The following MUS81 variants were observed in gnomAD, a reference collection of about 807,000 sequenced individuals.
The protein encoded by MUS81 is MUS81 structure-specific endonuclease subunit, also known as structure-specific endonuclease subunit MUS81.
Under a neutral mutation model 74.2 loss-of-function variants are expected in MUS81, and 69 were observed. That is an observed-to-expected ratio of 0.93 (90% CI 0.77 to 1.14). The LOEUF is 1.14. Among genes scored for constraint, MUS81 ranks in the 50% most tolerant of loss-of-function variants. MUS81 has a pLI of 0.00. For missense variants in MUS81, 711 were observed against 726.5 expected, an observed-to-expected ratio of 0.98 and a Z score of 0.25; for synonymous variants, 303 against 300.6, an observed-to-expected ratio of 1.01 and a Z score of -0.08.
Position 65,860,543 on chromosome 11 carries a change from C to A in MUS81, c.-211C>A, listed in dbSNP as rs1859548414. ...GTTAGAGACAGCGCCCCTGACCAAC[C>A]ACTTAGAGCAGCGCAGGGGTGGGAG... is the stretch of plus-strand genomic sequence containing the variant. On this transcript the variant is annotated 5_prime_UTR_variant, in exon 1 of 16. Coordinates refer to ENST00000308110, the MANE Select transcript of MUS81 (RefSeq NM_025128.5). The A allele has an allele frequency of 1.6e-6, 1 of 636,318 alleles. No individual in the cohort carries two copies. Among genetic ancestry groups the A allele is most frequent in the Non-Finnish European group, 2.7e-6 (1 of 366,886 alleles). 39.4% of individuals were successfully genotyped at this position (636,318 alleles called of 1,614,324 possible).
At chr11:65,867,162 G>A (rs111545100), downstream of MUS81, 126 of 1,563,698 alleles carry the variant, frequency 8.1e-5, 1 homozygote, top group East Asian at 1.6e-3. Flanking sequence ...TCCCTGCCCC[G>A]TGGCCGTGAG....
chr11:65,861,343 C>T lies in MUS81; in HGVS notation c.266-7C>T, dbSNP rs752089955. On this transcript the variant is annotated splice_region_variant and splice_polypyrimidine_tract_variant and intron_variant, in intron 2 of 15. Coordinates refer to ENST00000308110, the MANE Select transcript of MUS81 (RefSeq NM_025128.5). Reference sequence around the variant, plus strand: ...GAGTGTGGAGTTAACTCTTTTCTCTCCCGCAGGTGACCATGCCCCGGACTC... The same window carrying T: ...GAGTGTGGAGTTAACTCTTTTCTCTTCCGCAGGTGACCATGCCCCGGACTC... 4 of 1,586,636 alleles carry T rather than the reference C, an allele frequency of 2.5e-6. No individual in the cohort carries two copies. In the South Asian group the frequency reaches 3.4e-5, roughly 14 times the overall value.
chr11:65,862,615 T>C, intron 6 of MUS81, 86 bp downstream of exon 6: 1 of 1,273,214 alleles, frequency 7.9e-7, no homozygotes, highest in Admixed American at 1.8e-5. Context: ...CCAGAGCTGA[T>C]GCTGTTGAGA....
chr11:65,862,259 T>G lies in MUS81; in HGVS notation c.499T>G (p.Cys167Gly). The G allele has an allele frequency of 6.2e-7, 1 of 1,613,760 alleles. No individual in the cohort carries two copies. Among genetic ancestry groups the G allele is most frequent in the South Asian group, 1.1e-5 (1 of 91,066 alleles). The change falls in exon 5 of 16, where the codon TGT becomes GGT. Residue 167 changes from cysteine to glycine, a missense_variant. Transcript: ENST00000308110. ...AACCAAGGAGGAGCTGCTGCAGAGG[T>G]GTGCTCAGAAGTCCCCCAGGGTGAG... ...FLTKEELLQR[C>G]AQKSPRVAPG... is the part of the protein sequence containing the mutation.
In MUS81 at chr11:65,866,119, A is replaced by G. The variant is rs918646012; in HGVS notation, c.*67A>G. 5 of 1,460,488 alleles carry G rather than the reference A, an allele frequency of 3.4e-6. No homozygotes were observed. The highest frequency in any genetic ancestry group is 2.0e-5 in the Admixed American group (1 of 50,936). The allele number at this position is 1,460,488 out of a possible 1,614,324, so 90.5% of individuals were successfully genotyped here. On this transcript the variant is annotated 3_prime_UTR_variant, in exon 16 of 16. Transcript: ENST00000308110. ...AACCCAGGCTAGCCAGCCTTTTAAC[A>G]ACATCTTTTGGGGTACAATTAGAAT...
chr11:65,865,985 G>A lies in MUS81; in HGVS notation c.1590-1G>A. 5.6e-6 allele frequency: 9 copies of A among 1,614,012 alleles called. No homozygotes were observed. The highest frequency in any genetic ancestry group is 7.6e-6 in the Non-Finnish European group (9 of 1,179,922). ...GACCCTCGCTGCCTCTCTTCCTGCA[G>A]GAATCTGGGGCCTGCTCTGAGCAGG... On this transcript the variant is annotated splice_acceptor_variant, in intron 15 of 15. Transcript: ENST00000308110. LOFTEE classifies it high-confidence loss of function.
At chr11:65,864,346 C>T (rs1288755932) in intron 10 of MUS81, 151 bp from the exon 11 acceptor site, 1 of 682,510 alleles carries the variant, frequency 1.5e-6, no homozygotes, top group Admixed American at 2.2e-5. Context: ...GCTGCGGAGG[C>T]CCCTGTGAGG....
At chr11:65,862,574 T>G (rs756565323) in intron 6 of MUS81, 45 bp downstream of exon 6, 1 of 1,565,842 alleles carries the variant, frequency 6.4e-7, no homozygotes, top group Non-Finnish European at 8.8e-7. Context: ...AGTGAACTTC[T>G]TAGTAGGGCC....
At chr11:65,860,332 G>C (rs1859537335), upstream of MUS81, 2 of 467,866 alleles carry the variant, frequency 4.3e-6, no homozygotes, top group African/African-American at 2.0e-5. Flanking sequence ...GCCAAGCTCA[G>C]GTTAGTCCGT....
At position 65,861,001 on chromosome 11, in the gene MUS81, T is replaced by C. The variant is rs753487888; in HGVS notation, c.164T>C (p.Leu55Pro). Reference protein sequence around the residue: ...KALRSLRRYPLPLRSGKEAKI... With the variant: ...KALRSLRRYPPPLRSGKEAKI... ...CTGCGTTCCCTCCGACGGTACCCACTGCCGCTGCGCAGCGGGAAGGAAGCT... is the reference window on the plus strand; with the variant it reads ...CTGCGTTCCCTCCGACGGTACCCACCGCCGCTGCGCAGCGGGAAGGAAGCT... Residue 55 changes from leucine to proline, a missense_variant, in exon 2 of 16, where the codon CTG becomes CCG. By Grantham distance (98) the Leu-to-Pro change is moderately conservative. Coordinates refer to ENST00000308110, the MANE Select transcript of MUS81 (RefSeq NM_025128.5). The C allele has an allele frequency of 4.3e-6, 7 of 1,612,448 alleles. No individual in the cohort carries two copies. The Admixed American group carries it at 1.0e-4, about 23-fold the overall frequency.
upstream of MUS81, among the ~76,000 whole-genome samples, chr11:65,859,749 T>G (rs1402636255): frequency 2.6e-5 from 4 of 152,224 alleles, no homozygotes; most frequent in Non-Finnish European, 5.9e-5. Context: ...GTCGCCTGTG[T>G]CCAACTCAGC....
chr11:65,863,085 G>A lies in MUS81; in HGVS notation c.626G>A (p.Gly209Asp). The A allele has an allele frequency of 1.2e-6, 2 of 1,614,166 alleles. No individual in the cohort carries two copies. The highest frequency in any genetic ancestry group is 1.7e-6 in the Non-Finnish European group (2 of 1,180,036). Reference sequence around the variant, plus strand: ...CCCAGGTACTCATTGACCCCAGAGGGCCTGGAGCTGGCCCAGAAGTTGGCC... The same window carrying A: ...CCCAGGTACTCATTGACCCCAGAGGACCTGGAGCTGGCCCAGAAGTTGGCC... ...QPARYSLTPE[G>D]LELAQKLAES... Residue 209 changes from glycine (G) to aspartate (D), a missense_variant, in exon 7 of 16, where the codon GGC becomes GAC. Gly to Asp is a moderately conservative substitution (Grantham distance 94). Transcript: ENST00000308110.
chr11:65,862,153 C>A, intron 4 of MUS81, 58 bp from the exon 5 acceptor site: 1 of 1,591,858 alleles, frequency 6.3e-7, no homozygotes, highest in Non-Finnish European at 8.6e-7. Flanking sequence ...GCCACCTGAG[C>A]GGGATGAGGA....
At position 65,862,064 on chromosome 11, in the gene MUS81, C is replaced by G. The variant is rs761306237; in HGVS notation, c.450+19C>G. ...GCACCTGGTGAGCACTGGGCTACAC[C>G]GGGAGGCGGAACCATGGCAGTGGGG... On this transcript the variant is annotated intron_variant, in intron 4 of 15. Coordinates refer to ENST00000308110, the MANE Select transcript of MUS81 (RefSeq NM_025128.5). The G allele has an allele frequency of 2.5e-6, 4 of 1,603,686 alleles. No homozygotes were observed. The highest frequency in any genetic ancestry group is 1.7e-5 in the Admixed American group (1 of 58,454).
chr11:65,861,654 A>C (rs995658365), intron 3 of MUS81: 6 of 604,308 alleles, frequency 9.9e-6, no homozygotes, highest in Admixed American at 3.0e-5. Flanking sequence ...TAAGGATCCC[A>C]GCTCAGTTAG....
rs1345771999 is a variant in MUS81, at chr11:65,863,010, G to A, written c.606-55G>A. On this transcript the variant is annotated intron_variant, in intron 6 of 15. Coordinates refer to ENST00000308110, the MANE Select transcript of MUS81 (RefSeq NM_025128.5). ...AGCCCAGCTGGGGGCAGGCAGGAAA[G>A]CCTGCCAGGAATGAGTGAAGAAGGT... is the stretch of plus-strand genomic sequence containing the variant. 2.5e-6 allele frequency: 4 copies of A among 1,611,256 alleles called. No individual in the cohort carries two copies. The Admixed American group carries it at 5.0e-5, about 20-fold the overall frequency.
intron 14 of MUS81, 179 bp from the exon 15 acceptor site, chr11:65,865,630 CCA>C: frequency 1.5e-6 from 1 of 682,546 alleles, no homozygotes; most frequent in South Asian, 1.9e-5. Context: ...TGGTTTTGCC[CCA>C]GAGTTCCCAC....
intron 4 of MUS81, 57 bp from the exon 5 acceptor site, chr11:65,862,154 G>C: frequency 1.9e-6 from 3 of 1,596,920 alleles, no homozygotes; most frequent in Non-Finnish European, 1.7e-6. Context: ...CCACCTGAGC[G>C]GGATGAGGAG....
In MUS81 at chr11:65,866,349, A is replaced by C. The variant is rs2134742789; in HGVS notation, c.*297A>C. The C allele has an allele frequency of 1.6e-6, 1 of 606,862 alleles. No individual in the cohort carries two copies. Among genetic ancestry groups the C allele is most frequent in the Admixed American group, 2.9e-5 (1 of 34,156 alleles). The allele number at this position is 606,862 out of a possible 1,614,324, so 37.6% of individuals were successfully genotyped here. ...TATGTCACCAGTTGGTCCTCATCAA[A>C]TAAAATTTCCTTAGGAGTGCAGAGG... On this transcript the variant is annotated 3_prime_UTR_variant, in exon 16 of 16. Coordinates refer to ENST00000308110, the MANE Select transcript of MUS81 (RefSeq NM_025128.5).
Sources: allele counts gnomAD v4.1 joint callset (sites outside exome capture counted in the v4.1 genomes callset), GRCh38; gene constraint gnomAD v4.1.1; transcripts MANE v1.5; gene names NCBI Gene and HGNC (gene_info 2026-07-23, HGNC 2026-07-21).